The following SNX3 variants were observed in gnomAD, a reference collection of about 807,000 sequenced individuals.
The protein encoded by SNX3 is sorting nexin 3.
SNX3 carries 5 observed loss-of-function variants against 17.7 expected under a neutral mutation model. That is an observed-to-expected ratio of 0.28 (90% CI 0.15 to 0.59). The LOEUF (loss-of-function observed/expected upper bound fraction) is 0.59. Among genes scored for constraint, SNX3 ranks in the 20% least tolerant of loss-of-function variants. The pLI is 0.88. For missense variants in SNX3, 132 were observed against 206.8 expected (o/e 0.64, Z 2.22); for synonymous variants, 91 against 76.5 (o/e 1.19, Z -0.99).
chr6:108,219,650 A>C (rs1336040986), intron 2 of SNX3, among the ~76,000 whole-genome samples: 1 of 152,192 alleles, frequency 6.6e-6, no homozygotes, highest in African/African-American at 2.4e-5. Flanking sequence ...TGTAATTTGT[A>C]ATATAGTGAG....
chr6:108,253,490 C>T (rs1478205539), intron 1 of SNX3, among the ~76,000 whole-genome samples: 1 of 148,576 alleles, frequency 6.7e-6, no homozygotes, highest in Non-Finnish European at 1.5e-5. Flanking sequence ...AAAGATCTGG[C>T]TTGATTGAAT....
At chr6:108,252,533 C>T (rs1014200577) in intron 1 of SNX3, 1 of 152,248 alleles carries the variant, frequency 6.6e-6, no homozygotes, top group Non-Finnish European at 1.5e-5. Flanking sequence ...ACCACTGTGT[C>T]CGAGGCAATG....
chr6:108,239,180 G>A (rs928809687), intron 1 of SNX3, among the ~76,000 whole-genome samples: 1 of 152,184 alleles, frequency 6.6e-6, no homozygotes, highest in Non-Finnish European at 1.5e-5. Context: ...TGGGATTACA[G>A]GCGTGAGCCA....
chr6:108,223,771 C>T (rs149163700), intron 1 of SNX3, among the ~76,000 whole-genome samples: 5 of 152,196 alleles, frequency 3.3e-5, no homozygotes, highest in South Asian at 2.1e-4. Context: ...CAAAATGCTA[C>T]GCTTACAGGC....
chr6:108,248,548 CG>C, intron 1 of SNX3, among the ~76,000 whole-genome samples: 1 of 152,184 alleles, frequency 6.6e-6, no homozygotes, highest in Middle Eastern at 3.4e-3. Context: ...AACAATTGAT[CG>C]GATGTTTTGA....
intron 2 of SNX3, among the ~76,000 whole-genome samples, chr6:108,217,092 T>C (rs1774609611): frequency 6.6e-6 from 1 of 152,160 alleles, no homozygotes; most frequent in African/African-American, 2.4e-5. Flanking sequence ...AAAAGAATTC[T>C]GGAACCACTG....
chr6:108,260,192 A>T (rs1171415047), intron 1 of SNX3, among the ~76,000 whole-genome samples: 1 of 152,208 alleles, frequency 6.6e-6, no homozygotes, highest in East Asian at 1.9e-4. Flanking sequence ...TGCTGAAGTC[A>T]ACCATGTCCA....
At chr6:108,255,912 T>C in intron 1 of SNX3, among the ~76,000 whole-genome samples, 1 of 152,222 alleles carries the variant, frequency 6.6e-6, no homozygotes, top group Non-Finnish European at 1.5e-5. Flanking sequence ...TTCAGCTTTA[T>C]GCTTTAATAA....
chr6:108,237,288 T>C (rs1037551756), intron 1 of SNX3, among the ~76,000 whole-genome samples: 11 of 152,160 alleles, frequency 7.2e-5, no homozygotes, highest in Non-Finnish European at 1.6e-4. Flanking sequence ...CACCTTCCAA[T>C]ACCTTCCCCT....
intron 1 of SNX3, among the ~76,000 whole-genome samples, chr6:108,228,349 G>A (rs1775034929): frequency 2.0e-5 from 3 of 152,090 alleles, no homozygotes; most frequent in South Asian, 2.1e-4. Context: ...AGGAGTTCGC[G>A]ACCAGCCTGG....
chr6:108,256,448 C>T (rs935547232), intron 1 of SNX3, among the ~76,000 whole-genome samples: 11 of 152,158 alleles, frequency 7.2e-5, no homozygotes, highest in African/African-American at 2.4e-4. Context: ...TTAGAAAGAG[C>T]TAAATTTTGC....
intron 1 of SNX3, among the ~76,000 whole-genome samples, chr6:108,248,879 A>G (rs986241207): frequency 4.6e-5 from 7 of 151,518 alleles, no homozygotes; most frequent in Admixed American, 1.3e-4. Context: ...TCCCACCTCA[A>G]CCTCCTGAGT....
At chr6:108,226,919 CACA>C (rs1327533147) in intron 1 of SNX3, among the ~76,000 whole-genome samples, 2 of 152,108 alleles carry the variant, frequency 1.3e-5, no homozygotes, top group Admixed American at 6.5e-5. Flanking sequence ...CCCAGGTAAC[CACA>C]ACATTTGTTC....
intron 1 of SNX3, among the ~76,000 whole-genome samples, chr6:108,227,993 C>T (rs1310481570): frequency 6.6e-6 from 1 of 151,818 alleles, no homozygotes; most frequent in African/African-American, 2.4e-5. Context: ...TAAAAGGGCA[C>T]CATGCTAGAT....
intron 1 of SNX3, chr6:108,252,534 C>G (rs114748503): frequency 6.6e-6 from 1 of 152,194 alleles, no homozygotes; most frequent in African/African-American, 2.4e-5. Flanking sequence ...CCACTGTGTC[C>G]GAGGCAATGA....
chr6:108,233,760 T>C (rs1775240504), intron 1 of SNX3, among the ~76,000 whole-genome samples: 1 of 152,128 alleles, frequency 6.6e-6, no homozygotes, highest in Non-Finnish European at 1.5e-5. Flanking sequence ...CTAGAGTTAA[T>C]AAATGTGAAA....
At chr6:108,246,101 G>A (rs921075163) in intron 1 of SNX3, among the ~76,000 whole-genome samples, 2 of 151,986 alleles carry the variant, frequency 1.3e-5, no homozygotes, top group Non-Finnish European at 2.9e-5. Flanking sequence ...TAATCCATCT[G>A]AGTTAATTTT....
chr6:108,220,856 C>T (rs1412351815), intron 2 of SNX3, among the ~76,000 whole-genome samples: 2 of 151,828 alleles, frequency 1.3e-5, no homozygotes, highest in Non-Finnish European at 2.9e-5. Flanking sequence ...TGGTGGGTGC[C>T]TGTAATCCCA....
intron 1 of SNX3, among the ~76,000 whole-genome samples, chr6:108,237,351 T>C (rs1562431489): frequency 6.6e-6 from 1 of 152,202 alleles, no homozygotes. Flanking sequence ...AGATCCTTTA[T>C]CTCTAGCCCT....
Sources: gnomAD v4.1 joint callset for allele counts (sites outside exome capture counted in the v4.1 genomes callset) on GRCh38, gnomAD v4.1.1 for gene constraint, MANE v1.5 for transcripts, NCBI Gene and HGNC (gene_info 2026-07-23, HGNC 2026-07-21) for gene names.